STX1A: variants seen among roughly 807,000 people sequenced by gnomAD.
STX1A encodes the protein syntaxin 1A.
STX1A carries 4 observed loss-of-function variants against 37.8 expected under a neutral mutation model. The ratio of observed to expected loss-of-function variants is 0.11; its 90% CI spans 0.05 to 0.24. STX1A has a LOEUF of 0.24. Among genes scored for constraint, STX1A ranks in the 10% least tolerant of loss-of-function variants. STX1A has a pLI of 1.00. For synonymous variants in STX1A, 135 were observed against 147.4 expected (o/e 0.92, Z 0.61); for missense variants, 251 against 399.9 (o/e 0.63, Z 3.18).
At position 73,709,132 on chromosome 7, in the gene STX1A, G is replaced by A. The variant is rs1554617575; in HGVS notation, c.31-10C>T. The A allele has an allele frequency of 5.0e-6, 8 of 1,611,780 alleles. No individual in the cohort carries two copies. Among genetic ancestry groups the A allele is most frequent in the Non-Finnish European group, 6.8e-6 (8 of 1,179,910 alleles). Reference sequence around the variant, plus strand: ...CATCGCTGTCCTTGGCCTGTGCGGGGTTGTGCACACATAAGTGGACGTATG... The same window carrying A: ...CATCGCTGTCCTTGGCCTGTGCGGGATTGTGCACACATAAGTGGACGTATG... On this transcript the variant is annotated splice_polypyrimidine_tract_variant and intron_variant, in intron 1 of 9. Transcript: ENST00000222812. This position sits in a 1 kb window ranked among gnomAD's most constrained non-coding sequence, Gnocchi z 4.2.
Position 73,703,073 on chromosome 7 carries a change from T to G in STX1A, c.541-91A>C, listed in dbSNP as rs1302476890. The stretch of plus-strand genomic sequence containing the variant: ...GGAGGGCGTTTGGGGTGGGCAGAGC[T>G]GCTCCGGAAGGGGGCCTGAGGCTTC... On this transcript the variant is annotated intron_variant, in intron 7 of 9. Coordinates refer to ENST00000222812, the MANE Select transcript of STX1A (RefSeq NM_004603.4). 7.0e-6 allele frequency: 7 copies of G among 993,706 alleles called. No individual in the cohort carries two copies. The East Asian group carries it at 1.6e-4, about 23-fold the overall frequency. 61.6% of individuals were successfully genotyped at this position (993,706 alleles called of 1,614,324 possible).
At position 73,709,480 on chromosome 7, in the gene STX1A, CT is replaced by C. The variant is rs540729908; in HGVS notation, c.31-359del. Among the ~76,000 whole-genome samples, 243 of 152,234 alleles carry C rather than the reference CT, an allele frequency of 1.6e-3. 1 individual carries two copies. Among genetic ancestry groups the C allele is most frequent in the African/African-American group, 5.7e-3 (235 of 41,538 alleles). On this transcript the variant is annotated intron_variant, in intron 1 of 9. Transcript: ENST00000222812. This position sits in a 1 kb window ranked among gnomAD's most constrained non-coding sequence, Gnocchi z 4.2. ...TGGGCCCTCTGGGTCCCCTAGGCCC[CT>C]AGGACAGCTGCCTGGAAAGTGCATT...
intron 4 of STX1A, chr7:73,704,815 C>T (rs1453118217): frequency 7.8e-6 from 4 of 512,996 alleles, no homozygotes; most frequent in East Asian, 3.4e-5. Context: ...ATGGGGTGCA[C>T]GTGTCTGTTC....
Position 73,702,604 on chromosome 7 carries a change from G to A in STX1A, c.678+241C>T, listed in dbSNP as rs538953767. The A allele has an allele frequency of 1.7e-4, 205 of 1,229,576 alleles. 1 individual carries two copies. The African/African-American group carries it at 2.2e-3, about 13-fold the overall frequency. The allele number at this position is 1,229,576 out of a possible 1,614,324, so 76.2% of individuals were successfully genotyped here. On this transcript the variant is annotated intron_variant, in intron 8 of 9. Transcript: ENST00000222812. This position sits in a 1 kb window ranked among gnomAD's most constrained non-coding sequence, Gnocchi z 4.7. ...CAGTAGTAGGGGAATGAGAGACGGC[G>A]GGGTATAGAGGGTGGGGCCATGCAG...
Position 73,709,247 on chromosome 7 carries a change from A to G in STX1A, c.31-125T>C. 1.1e-6 allele frequency: 1 copy of G among 919,920 alleles called. No individual in the cohort carries two copies. The highest frequency in any genetic ancestry group is 2.5e-5 in the East Asian group (1 of 39,334). The allele number at this position is 919,920 out of a possible 1,614,324, so 57.0% of individuals were successfully genotyped here. A position where few individuals can be genotyped will look rare whatever the true frequency, so the allele number is the denominator to read the frequency against. ...TCTCCCTGGGGGCCTCTGGGCAGGG[A>G]CAAGAACAGGCCTGGCTGTTCCGCT... On this transcript the variant is annotated intron_variant, in intron 1 of 9. Coordinates refer to ENST00000222812, the MANE Select transcript of STX1A (RefSeq NM_004603.4). This position sits in a 1 kb window ranked among gnomAD's most constrained non-coding sequence, Gnocchi z 4.2.
At position 73,706,933 on chromosome 7, in the gene STX1A, C is replaced by G. The variant is rs552815677; in HGVS notation, c.208+1656G>C. Among the ~76,000 whole-genome samples, 1 of 152,340 alleles carries G rather than the reference C, an allele frequency of 6.6e-6. No individual in the cohort carries two copies. The highest frequency in any genetic ancestry group is 2.1e-4 in the South Asian group (1 of 4,826). On this transcript the variant is annotated intron_variant, in intron 3 of 9. Transcript: ENST00000222812. The surrounding 1 kb of genome is among the most constrained non-coding windows in gnomAD (Gnocchi z 4.6). ...CTGAGGCAGTCCACCCTGCTCCCAC[C>G]TGACCCATTTTGCCTTCTGAGGGCG...
Position 73,700,427 on chromosome 7 carries a change from C to T in STX1A, c.847G>A (p.Val283Ile). The change falls in exon 10 of 10, where the codon GTT becomes ATT. Residue 283 changes from valine to isoleucine, a missense_variant. Transcript: ENST00000222812. The surrounding 1 kb of genome is among the most constrained non-coding windows in gnomAD (Gnocchi z 4.4). ...GGCTTCTAGGCGAAGATGCCCCCAA[C>T]AGTGGAGGCGATGACGATGCCCAGG... ...VILGIVIAST[V>I]GGIFA 1.2e-6 allele frequency: 2 copies of T among 1,614,056 alleles called. No individual in the cohort carries two copies. The highest frequency in any genetic ancestry group is 1.7e-6 in the Non-Finnish European group (2 of 1,179,986).
intron 4 of STX1A, 54 bp from the exon 5 acceptor site, chr7:73,704,477 C>T (rs1297628214): frequency 6.2e-7 from 1 of 1,604,818 alleles, no homozygotes; most frequent in Admixed American, 1.7e-5. Context: ...ACCCCGTCCC[C>T]TACCCGCACA....
rs1212252591 is a variant in STX1A at position 73,706,186 on chromosome 7, T to C, written c.209-962A>G. On this transcript the variant is annotated intron_variant, in intron 3 of 9. Coordinates refer to ENST00000222812, the MANE Select transcript of STX1A (RefSeq NM_004603.4). This position sits in a 1 kb window ranked among gnomAD's most constrained non-coding sequence, Gnocchi z 4.6. ...GTCCTAGAGGGGACAGGGAGGGGTG[T>C]TGAGAGTGGTCTATCAGGAAGGCCC... Among the ~76,000 whole-genome samples the C allele has an allele frequency of 1.3e-5, 2 of 151,800 alleles. No homozygotes were observed. The highest frequency in any genetic ancestry group is 3.9e-4 in the East Asian group (2 of 5,146).
chr7:73,701,828 A>G (rs1269885142), intron 8 of STX1A, among the ~76,000 whole-genome samples: 2 of 152,162 alleles, frequency 1.3e-5, no homozygotes, highest in Non-Finnish European at 2.9e-5. Context: ...TGTGGCTCAC[A>G]TCTATGATCC....
At position 73,700,655 on chromosome 7, in the gene STX1A, G is replaced by A; in HGVS notation, c.789+75C>T. ...CTGAGAGAAGGGAGAGAGGTGGGAT[G>A]GGGAGGGATGTGGGATGGTTGGGGG... On this transcript the variant is annotated intron_variant, in intron 9 of 9. Transcript: ENST00000222812. The surrounding 1 kb of genome is among the most constrained non-coding windows in gnomAD (Gnocchi z 4.4). 1 of 1,578,010 alleles carries A rather than the reference G, an allele frequency of 6.3e-7. No homozygotes were observed. The highest frequency in any genetic ancestry group is 8.6e-7 in the Non-Finnish European group (1 of 1,156,268).
intron 8 of STX1A, 164 bp from the exon 9 acceptor site, chr7:73,701,004 G>A (rs1323781773): frequency 1.4e-6 from 2 of 1,403,992 alleles, no homozygotes; most frequent in Non-Finnish European, 1.9e-6. Flanking sequence ...TGGGTGGGGT[G>A]TAGAGGGCCA....
chr7:73,714,108 C>A (rs1554618341), intron 1 of STX1A, among the ~76,000 whole-genome samples: 1 of 150,184 alleles, frequency 6.7e-6, no homozygotes, highest in African/African-American at 2.5e-5. Context: ...TTTGTCCTGG[C>A]ACTTTTTTTT....
In STX1A at chr7:73,719,618, G is replaced by C. The variant is rs1343856512; in HGVS notation, c.14C>G (p.Thr5Ser). Residue 5 changes from threonine (T) to serine (S), a missense_variant, in exon 1 of 10, where the codon ACC (threonine) becomes AGC (serine). Physicochemically the swap from Thr to Ser is moderately conservative, Grantham distance 58. Transcript: ENST00000222812. The part of the protein sequence containing the change: MKDR[T>S]QELRTAKDSD... The stretch of plus-strand genomic sequence containing the variant: ...CGGACTCACCGTGCGGAGCTCCTGG[G>C]TTCGGTCCTTCATGCTCCCGGGAGT... 1.7e-6 allele frequency: 2 copies of C among 1,204,038 alleles called. No homozygotes were observed. Among genetic ancestry groups the C allele is most frequent in the African/African-American group, 1.6e-5 (1 of 62,878 alleles). The allele number at this position is 1,204,038 out of a possible 1,614,324, so 74.6% of individuals were successfully genotyped here. A position where few individuals can be genotyped will look rare whatever the true frequency, so the allele number is the denominator to read the frequency against.
chr7:73,700,112 T>G lies in STX1A; in HGVS notation c.*295A>C. On this transcript the variant is annotated 3_prime_UTR_variant, in exon 10 of 10. Transcript: ENST00000222812. This position sits in a 1 kb window ranked among gnomAD's most constrained non-coding sequence, Gnocchi z 4.4. ...CCGAGTTACTGAAGGCAAGGAAGGG[T>G]GGCCTGTGTCACCCTGGCGGCCCTG... 1 of 476,666 alleles carries G rather than the reference T, an allele frequency of 2.1e-6. No homozygotes were observed. The highest frequency in any genetic ancestry group is 3.8e-6 in the Non-Finnish European group (1 of 263,064). The allele number at this position is 476,666 out of a possible 1,614,324, so 29.5% of individuals were successfully genotyped here. A position where few individuals can be genotyped will look rare whatever the true frequency, so the allele number is the denominator to read the frequency against.
At chr7:73,703,043 G>GAA in intron 7 of STX1A, 61 bp from the exon 8 acceptor site, 1 of 1,315,010 alleles carries the variant, frequency 7.6e-7, no homozygotes. Context: ...GCAGAGGGCC[G>GAA]AGGGGGAGGG....
intron 3 of STX1A, among the ~76,000 whole-genome samples, chr7:73,707,516 G>C (rs1379192696): frequency 6.6e-6 from 1 of 152,192 alleles, no homozygotes. Context: ...GGGCTGGACC[G>C]AGAGGCCTTC....
intron 3 of STX1A, among the ~76,000 whole-genome samples, chr7:73,707,167 C>A (rs1264455164): frequency 6.6e-6 from 1 of 152,204 alleles, no homozygotes; most frequent in East Asian, 1.9e-4. Context: ...ATGGCTGCAT[C>A]CCTGGGGCTC....
intron 1 of STX1A, among the ~76,000 whole-genome samples, chr7:73,714,658 C>G (rs530459168): frequency 7.9e-5 from 12 of 152,212 alleles, no homozygotes; most frequent in African/African-American, 2.4e-4. Flanking sequence ...CCTCAGCCTC[C>G]CAAGTAGTTG....
Sources: gnomAD v4.1 joint callset for allele counts (sites outside exome capture counted in the v4.1 genomes callset) on GRCh38, gnomAD v4.1.1 for gene constraint, Gnocchi (gnomAD v3.1) non-coding constraint, MANE v1.5 for transcripts, NCBI Gene and HGNC (gene_info 2026-07-23, HGNC 2026-07-21) for gene names.